PPP2R3C: variants seen among roughly 807,000 people sequenced by gnomAD.
PPP2R3C encodes the protein protein phosphatase 2 regulatory subunit B''gamma, also known as serine/threonine-protein phosphatase 2A regulatory subunit B'' subunit gamma.
In PPP2R3C, 47 loss-of-function variants were observed where a neutral mutation model predicts 63.7. That is an observed-to-expected ratio of 0.74 (90% CI 0.58 to 0.94). The LOEUF is 0.94. Ranked by LOEUF, PPP2R3C falls within the 40% of genes least tolerant of loss-of-function variation. The pLI is 0.00. For missense variants in PPP2R3C, 421 were observed against 518.4 expected (o/e 0.81, Z 1.82); for synonymous variants, 180 against 177.4 (o/e 1.01, Z -0.12).
At position 35,091,942 on chromosome 14, in the gene PPP2R3C, ACTCCTGACCTCAAGTGACC is replaced by A. The variant is rs2045833758; in HGVS notation, c.976-754_976-736del. On this transcript the variant is annotated intron_variant, in intron 10 of 12. Transcript: ENST00000261475. ...TCCATGTTACCCAAGCTGGTCTCAAACTCCTGACCTCAAGTGACCCGCCTGCCCCGGCCTCCCAAAGTGC... is the reference window on the plus strand; with the variant it reads ...TCCATGTTACCCAAGCTGGTCTCAAACGCCTGCCCCGGCCTCCCAAAGTGC... Among the ~76,000 whole-genome samples, 3 of 149,892 alleles carry A rather than the reference ACTCCTGACCTCAAGTGACC, an allele frequency of 2.0e-5. No homozygotes were observed. The South Asian group carries it at 6.3e-4, about 32-fold the overall frequency.
intron 1 of PPP2R3C, among the ~76,000 whole-genome samples, chr14:35,121,324 C>G (rs1295741762): frequency 6.6e-6 from 1 of 151,836 alleles, no homozygotes. Flanking sequence ...TTGCAGTGAG[C>G]GGAGATGCTG....
At chr14:35,101,797 C>T (rs2046199076) in intron 6 of PPP2R3C, 1 of 152,086 alleles carries the variant, frequency 6.6e-6, no homozygotes. Flanking sequence ...TGGCTTTCTT[C>T]TTGATTTCTG....
At chr14:35,103,583 G>A (rs535257547) in intron 6 of PPP2R3C, among the ~76,000 whole-genome samples, 54 of 152,074 alleles carry the variant, frequency 3.6e-4, no homozygotes, top group African/African-American at 1.3e-3. Flanking sequence ...GTCTACAAGG[G>A]AATGAAAATT....
At chr14:35,093,493 G>A (rs1180674748) in intron 10 of PPP2R3C, among the ~76,000 whole-genome samples, 2 of 152,020 alleles carry the variant, frequency 1.3e-5, no homozygotes, top group African/African-American at 4.8e-5. Context: ...GAGTTACAAA[G>A]TAAATTTTCT....
chr14:35,122,049 A>G, upstream of PPP2R3C: 1 of 1,444,094 alleles, frequency 6.9e-7, no homozygotes, highest in Non-Finnish European at 9.7e-7. Context: ...CAGGCCCCGT[A>G]AAGGTTAGGA....
intron 5 of PPP2R3C, 87 bp from the exon 6 acceptor site, chr14:35,107,461 G>T: frequency 9.6e-7 from 1 of 1,046,572 alleles, no homozygotes; most frequent in Non-Finnish European, 1.5e-6. Context: ...TTTGAGACAA[G>T]CTAATCTAGT....
At chr14:35,094,730 G>T (rs951029611) in intron 10 of PPP2R3C, among the ~76,000 whole-genome samples, 2 of 152,140 alleles carry the variant, frequency 1.3e-5, no homozygotes, top group Admixed American at 1.3e-4. Context: ...TTGGGAGGCA[G>T]ATCACCTGAG....
intron 6 of PPP2R3C, chr14:35,099,713 G>T (rs2046121861): frequency 9.5e-6 from 2 of 210,076 alleles, no homozygotes; most frequent in Non-Finnish European, 1.8e-5. Context: ...ATGCAAATAT[G>T]AACCAATACA....
At chr14:35,109,592 G>A (rs571590001) in intron 4 of PPP2R3C, among the ~76,000 whole-genome samples, 4 of 151,578 alleles carry the variant, frequency 2.6e-5, no homozygotes, top group South Asian at 2.1e-4. Context: ...CTCAGCCTCC[G>A]GAGTAGCTAC....
At chr14:35,110,791 G>C (rs1403861493) in intron 2 of PPP2R3C, 162 bp from the exon 3 acceptor site, 2 of 558,258 alleles carry the variant, frequency 3.6e-6, no homozygotes. Flanking sequence ...GATCCACAGA[G>C]AATCGGTGAT....
rs377037544 is a variant in PPP2R3C at position 35,095,118 on chromosome 14, C to G, written c.905G>C (p.Gly302Ala). The G allele has an allele frequency of 3.7e-6, 6 of 1,611,498 alleles. No individual in the cohort carries two copies. In the African/African-American group the frequency reaches 5.3e-5, roughly 14 times the overall value. Residue 302 changes from glycine (G) to alanine (A), a missense_variant, in exon 10 of 13, where the codon GGA becomes GCA. Around this residue, in one of 3 missense-constraint regions of PPP2R3C, gnomAD observed 231 missense variants for 264.8 expected, o/e 0.87. Coordinates refer to ENST00000261475, the MANE Select transcript of PPP2R3C (RefSeq NM_017917.4). ...MLSKEELSRYGTATMTNVFLD... is the reference protein window; with the variant it reads ...MLSKEELSRYATATMTNVFLD... ...GAAGACATTGGTCATGGTAGCTGTTCCATAGCGTGAGAGTTCTTCTTTACT... is the reference window on the plus strand; with the variant it reads ...GAAGACATTGGTCATGGTAGCTGTTGCATAGCGTGAGAGTTCTTCTTTACT...
intron 1 of PPP2R3C, among the ~76,000 whole-genome samples, chr14:35,117,770 C>T (rs542197113): frequency 1.1e-4 from 17 of 152,092 alleles, no homozygotes; most frequent in Non-Finnish European, 2.2e-4. Context: ...TCTCGGGTCA[C>T]GGCAACCTCC....
At position 35,109,942 on chromosome 14, in the gene PPP2R3C, T is replaced by C. The variant is rs765494377; in HGVS notation, c.292-11A>G. On this transcript the variant is annotated splice_polypyrimidine_tract_variant and intron_variant, in intron 3 of 12. Transcript: ENST00000261475. ...CAAAAACCATAAGTTCTTAAGAGAA[T>C]TGTGGAAGTGAAGATGTTGTAAGTT... 5.8e-6 allele frequency: 9 copies of C among 1,543,896 alleles called. No individual in the cohort carries two copies. The highest frequency in any genetic ancestry group is 1.2e-5 in the South Asian group (1 of 86,358).
At chr14:35,088,592 C>A (rs539859550) in intron 11 of PPP2R3C, among the ~76,000 whole-genome samples, 7 of 152,198 alleles carry the variant, frequency 4.6e-5, no homozygotes, top group African/African-American at 1.7e-4. Context: ...GTTTCAAATT[C>A]TTGGTGAACA....
chr14:35,104,486 C>T (rs1470551035), intron 6 of PPP2R3C, among the ~76,000 whole-genome samples: 1 of 152,100 alleles, frequency 6.6e-6, no homozygotes, highest in East Asian at 1.9e-4. Flanking sequence ...CTCCCTTCCC[C>T]TCTCCCCTAC....
intron 6 of PPP2R3C, among the ~76,000 whole-genome samples, chr14:35,106,949 G>A (rs1459599926): frequency 1.3e-5 from 2 of 152,152 alleles, no homozygotes; most frequent in African/African-American, 4.8e-5. Context: ...TTACAGGTGT[G>A]AGCTACCACA....
chr14:35,111,916 T>TA (rs1306749137), intron 2 of PPP2R3C, among the ~76,000 whole-genome samples: 6 of 152,164 alleles, frequency 3.9e-5, no homozygotes, highest in Admixed American at 3.3e-4. Flanking sequence ...ATTTGAGTAA[T>TA]AATAAAACTC....
In PPP2R3C at chr14:35,109,863, G is replaced by T. The variant is rs376027395; in HGVS notation, c.360C>A (p.Tyr120Ter). 1 of 1,611,170 alleles carries T rather than the reference G, an allele frequency of 6.2e-7. No individual in the cohort carries two copies. Among genetic ancestry groups the T allele is most frequent in the African/African-American group, 1.3e-5 (1 of 74,950 alleles). ...PMIGEEAMIN[Y>*]ENFLKVGEKA... ...TTTCACCAACCTTCAAAAAGTTTTC[G>T]TAATTGATCATCGCTTCCTCTCCAA... Residue 120 changes from tyrosine to a stop codon, truncating the protein, a stop_gained, in exon 4 of 13, where the codon TAC (tyrosine) becomes TAA (stop). Coordinates refer to ENST00000261475, the MANE Select transcript of PPP2R3C (RefSeq NM_017917.4). LOFTEE classifies it high-confidence loss of function.
At chr14:35,117,192 C>A in intron 1 of PPP2R3C, 1 of 454,364 alleles carries the variant, frequency 2.2e-6, no homozygotes, top group Non-Finnish European at 4.4e-6. Context: ...GTAGAGAAAA[C>A]AAACAAAAAA....
Sources: allele counts gnomAD v4.1 joint callset (sites outside exome capture counted in the v4.1 genomes callset), GRCh38; gene constraint gnomAD v4.1.1; regional missense constraint gnomAD v4.1.1; transcripts MANE v1.5; gene names NCBI Gene and HGNC (gene_info 2026-07-23, HGNC 2026-07-21).